BLTP2: variants seen among roughly 807,000 people sequenced by gnomAD.
BLTP2 encodes the protein U937-associated antigen.
the BLTP2 span, chr17:28,639,694 TA>T: frequency 6.4e-7 from 1 of 1,554,534 alleles, no homozygotes; most frequent in Non-Finnish European, 8.9e-7. Flanking sequence ...GGGCAAGAGG[TA>T]AAACTGGGAG....
At chr17:28,622,709 TAAC>T in the BLTP2 span, among the ~76,000 whole-genome samples, 7 of 152,316 alleles carry the variant, frequency 4.6e-5, no homozygotes, top group Middle Eastern at 6.8e-3. Flanking sequence ...AAAAGAAAAT[TAAC>T]AACCACGCAA....
chr17:28,627,981 T>G, the BLTP2 span, among the ~76,000 whole-genome samples: 4 of 152,088 alleles, frequency 2.6e-5, no homozygotes, highest in African/African-American at 9.7e-5. Flanking sequence ...TTCTTTTATT[T>G]CTCTCTTATG....
chr17:28,627,133 T>G, the BLTP2 span, among the ~76,000 whole-genome samples: 1 of 152,192 alleles, frequency 6.6e-6, no homozygotes, highest in Non-Finnish European at 1.5e-5. Flanking sequence ...TCCCACACAT[T>G]TGGTCACAGA....
chr17:28,644,947 C>CCCGCCG, the BLTP2 span: 3,243 of 1,520,840 alleles, frequency 2.1e-3, 8 homozygotes, highest in Non-Finnish European at 2.0e-3. Context: ...CCCCCTCCCT[C>CCCGCCG]CCGCCGCCGC....
the BLTP2 span, chr17:28,633,663 C>A: frequency 1.2e-6 from 2 of 1,613,970 alleles, no homozygotes; most frequent in Non-Finnish European, 1.7e-6. Context: ...CAGCTGAGGG[C>A]TTGGTCAAGA....
chr17:28,628,501 T>C, the BLTP2 span: 1 of 1,614,094 alleles, frequency 6.2e-7, no homozygotes, highest in East Asian at 2.2e-5. Flanking sequence ...AATCCGTAAA[T>C]CTACTAAGTG....
the BLTP2 span, among the ~76,000 whole-genome samples, chr17:28,630,456 GC>G: frequency 7.1e-5 from 10 of 140,500 alleles, no homozygotes; most frequent in Non-Finnish European, 1.4e-4. Flanking sequence ...CCTGAGCCCA[GC>G]CCCCACTGTT....
the BLTP2 span, chr17:28,639,978 T>C: frequency 6.2e-7 from 1 of 1,614,108 alleles, no homozygotes; most frequent in Non-Finnish European, 8.5e-7. Flanking sequence ...CTGATCCTCA[T>C]CACGGTGGTA....
the BLTP2 span, among the ~76,000 whole-genome samples, chr17:28,621,797 C>A: frequency 6.6e-6 from 1 of 152,056 alleles, no homozygotes; most frequent in African/African-American, 2.4e-5. Context: ...GGCAAAATAT[C>A]TCATTAAAAA....
At chr17:28,615,262 G>A in the BLTP2 span, 2 of 1,578,720 alleles carry the variant, frequency 1.3e-6, no homozygotes, top group East Asian at 4.5e-5. Flanking sequence ...AGATTGGAGA[G>A]GAGTAAAAGA....
chr17:28,639,370 G>A, the BLTP2 span: 1 of 1,614,132 alleles, frequency 6.2e-7, no homozygotes, highest in East Asian at 2.2e-5. Context: ...TCCAGTGCTA[G>A]CAGGTGCAGC....
At chr17:28,628,485 C>T in the BLTP2 span, 1 of 1,614,046 alleles carries the variant, frequency 6.2e-7, no homozygotes, top group Non-Finnish European at 8.5e-7. Flanking sequence ...TGGTAGTTGT[C>T]CAGGAAATCC....
the BLTP2 span, chr17:28,617,224 A>C: frequency 3.1e-6 from 5 of 1,610,404 alleles, no homozygotes; most frequent in South Asian, 4.4e-5. Context: ...AGGGGAAAAA[A>C]GACTTGCCTT....
At chr17:28,638,094 C>T in the BLTP2 span, 3 of 1,613,148 alleles carry the variant, frequency 1.9e-6, no homozygotes, top group Non-Finnish European at 2.5e-6. Context: ...TTATAGCTAC[C>T]CTAGAGAAGA....
the BLTP2 span, among the ~76,000 whole-genome samples, chr17:28,620,819 T>G: frequency 1.3e-5 from 2 of 152,008 alleles, no homozygotes; most frequent in Non-Finnish European, 2.9e-5. Context: ...CCTCCAAGAA[T>G]AGAGGTTATT....
At chr17:28,642,215 C>T in the BLTP2 span, 2 of 1,595,228 alleles carry the variant, frequency 1.3e-6, no homozygotes, top group Non-Finnish European at 1.7e-6. Flanking sequence ...AAGCCCTAAG[C>T]TCCTTCACAC....
the BLTP2 span, among the ~76,000 whole-genome samples, chr17:28,620,794 C>G: frequency 6.6e-6 from 1 of 152,008 alleles, no homozygotes; most frequent in East Asian, 1.9e-4. Flanking sequence ...AAACAATGCC[C>G]ATTCATCCCA....
At chr17:28,641,637 T>C in the BLTP2 span, among the ~76,000 whole-genome samples, 4 of 150,084 alleles carry the variant, frequency 2.7e-5, no homozygotes, top group Admixed American at 2.6e-4. Context: ...CAAGACTCCA[T>C]CTTTTTTTTT....
the BLTP2 span, among the ~76,000 whole-genome samples, chr17:28,631,040 T>TA: frequency 6.6e-6 from 1 of 152,192 alleles, no homozygotes; most frequent in South Asian, 2.1e-4. Flanking sequence ...ACCAGGGACT[T>TA]AATCTGCAAC....
Sources: allele counts gnomAD v4.1 joint callset (sites outside exome capture counted in the v4.1 genomes callset), GRCh38; gene constraint gnomAD v4.1.1; transcripts MANE v1.5; gene names NCBI Gene and HGNC (gene_info 2026-07-23, HGNC 2026-07-21).